BICD1: variants seen among roughly 807,000 people sequenced by gnomAD.
BICD1 encodes the protein protein bicaudal D homolog 1.
BICD1 carries 35 observed loss-of-function variants against 92.5 expected under a neutral mutation model. The ratio of observed to expected loss-of-function variants is 0.38; its 90% CI spans 0.29 to 0.50. BICD1 has a LOEUF of 0.50. BICD1 is among the 20% of genes least tolerant of loss of function. The pLI is 0.93. For missense variants in BICD1, 950 were observed against 1,189.8 expected, an observed-to-expected ratio of 0.80 and a Z score of 2.97; for synonymous variants, 429 against 465.1, an observed-to-expected ratio of 0.92 and a Z score of 1.00.
chr12:32,177,274 C>T (rs990119781), intron 1 of BICD1, among the ~76,000 whole-genome samples: 1 of 150,666 alleles, frequency 6.6e-6, no homozygotes, highest in Non-Finnish European at 1.5e-5. Flanking sequence ...GAGATCACAC[C>T]ATGGCACTCC....
intron 8 of BICD1, among the ~76,000 whole-genome samples, chr12:32,344,747 T>C (rs1186000594): frequency 6.6e-6 from 1 of 152,238 alleles, no homozygotes; most frequent in African/African-American, 2.4e-5. Context: ...TTTTGTACTT[T>C]ATAATTTATA....
chr12:32,273,631 A>AG (rs1947200274), intron 2 of BICD1, among the ~76,000 whole-genome samples: 1 of 152,264 alleles, frequency 6.6e-6, no homozygotes, highest in African/African-American at 2.4e-5. Flanking sequence ...CAGCTAGTAG[A>AG]GGGTGCCTCA....
chr12:32,120,895 G>GA (rs757230402), intron 1 of BICD1, among the ~76,000 whole-genome samples: 81 of 24,784 alleles, frequency 3.3e-3, no homozygotes, highest in African/African-American at 0.023. Context: ...GAGAGAGAGA[G>GA]AAAAAAAAAA....
chr12:32,124,875 G>T (rs1354254744), intron 1 of BICD1, among the ~76,000 whole-genome samples: 2 of 152,108 alleles, frequency 1.3e-5, no homozygotes, highest in Non-Finnish European at 2.9e-5. Context: ...GGAAAGCTGT[G>T]TTATGGGGCT....
At chr12:32,283,272 C>A (rs573555420) in intron 2 of BICD1, among the ~76,000 whole-genome samples, 1 of 152,232 alleles carries the variant, frequency 6.6e-6, no homozygotes, top group East Asian at 1.9e-4. Context: ...AAGTCCATCA[C>A]TCTTATCAGT....
At chr12:32,111,407 G>A (rs1941687033) in intron 1 of BICD1, among the ~76,000 whole-genome samples, 1 of 152,104 alleles carries the variant, frequency 6.6e-6, no homozygotes, top group Non-Finnish European at 1.5e-5. Context: ...TCATCTTTAA[G>A]CAGAATTGTT....
chr12:32,211,103 C>T (rs1469238981), intron 1 of BICD1, among the ~76,000 whole-genome samples: 1 of 152,202 alleles, frequency 6.6e-6, no homozygotes. Context: ...TTCTTAAAAG[C>T]AGCCATTTTC....
At chr12:32,131,269 T>A (rs1053826864) in intron 1 of BICD1, among the ~76,000 whole-genome samples, 59 of 152,204 alleles carry the variant, frequency 3.9e-4, no homozygotes, top group African/African-American at 1.4e-3. Context: ...TGTGATTTTT[T>A]TAAAAAAATT....
rs1944846782 is a variant in BICD1 at position 32,199,649 on chromosome 12, TTCTAA to T, written c.214-16593_214-16589del. On this transcript the variant is annotated intron_variant, in intron 1 of 9. Transcript: ENST00000652176. ...TCTAAAGACATAAGTGATTAACTTC[TTCTAA>T]TCTATAGCTAAGGTCTGAGTCCTGA... Among the ~76,000 whole-genome samples, 9 of 152,352 alleles carry T rather than the reference TTCTAA, an allele frequency of 5.9e-5. No homozygotes were observed. In the South Asian group the frequency reaches 1.9e-3, roughly 32 times the overall value.
At chr12:32,231,021 T>C (rs1945870095) in intron 2 of BICD1, among the ~76,000 whole-genome samples, 1 of 152,234 alleles carries the variant, frequency 6.6e-6, no homozygotes, top group South Asian at 2.1e-4. Context: ...GAAAGTGATA[T>C]TATATTTGTC....
chr12:32,141,699 C>G (rs1008806787), intron 1 of BICD1, among the ~76,000 whole-genome samples: 1 of 152,138 alleles, frequency 6.6e-6, no homozygotes, highest in Non-Finnish European at 1.5e-5. Flanking sequence ...GTCTCAAACC[C>G]CTAACCTTAA....
intron 2 of BICD1, among the ~76,000 whole-genome samples, chr12:32,235,515 G>A (rs991548744): frequency 1.3e-5 from 2 of 151,114 alleles, no homozygotes; most frequent in African/African-American, 4.9e-5. Context: ...GGCATACTGT[G>A]TCTTACTGTG....
intron 2 of BICD1, among the ~76,000 whole-genome samples, chr12:32,228,888 G>A (rs1215684531): frequency 2.0e-5 from 3 of 152,166 alleles, no homozygotes; most frequent in Non-Finnish European, 4.4e-5. Context: ...TCCACCTGTG[G>A]ATGTTGAGTG....
intron 1 of BICD1, among the ~76,000 whole-genome samples, chr12:32,110,442 A>G (rs1355342069): frequency 6.6e-6 from 1 of 152,210 alleles, no homozygotes; most frequent in Non-Finnish European, 1.5e-5. Flanking sequence ...ACATCATCAA[A>G]GTGTTCTCCT....
At chr12:32,213,826 A>G (rs1945282231) in intron 1 of BICD1, among the ~76,000 whole-genome samples, 5 of 152,246 alleles carry the variant, frequency 3.3e-5, no homozygotes, top group Admixed American at 2.6e-4. Context: ...TCTTCCCATT[A>G]GAATTAATAA....
intron 1 of BICD1, among the ~76,000 whole-genome samples, chr12:32,148,118 G>A (rs1943169601): frequency 1.6e-5 from 2 of 122,708 alleles, no homozygotes; most frequent in Non-Finnish European, 1.7e-5. Flanking sequence ...CTCTAGCCTG[G>A]GTGACAGAGC....
At chr12:32,329,136 G>A (rs1242569332) in intron 5 of BICD1, among the ~76,000 whole-genome samples, 7 of 151,926 alleles carry the variant, frequency 4.6e-5, no homozygotes, top group South Asian at 4.2e-4. Flanking sequence ...ACAGAGTCTC[G>A]CTCTGTTGTC....
At chr12:32,198,323 C>CATATATATATATATAT (rs765984931) in intron 1 of BICD1, among the ~76,000 whole-genome samples, 5,929 of 87,094 alleles carry the variant, frequency 0.068, 933 homozygotes, top group Admixed American at 0.086. Context: ...GAATAATATG[C>CATATATATATATATAT]ATCTATCTAT....
intron 4 of BICD1, among the ~76,000 whole-genome samples, chr12:32,324,068 C>T (rs575918413): frequency 9.9e-5 from 15 of 152,206 alleles, no homozygotes; most frequent in South Asian, 4.2e-4. Context: ...CGGTGGCTCA[C>T]GCCTGTAATC....
Sources: allele counts gnomAD v4.1 joint callset (sites outside exome capture counted in the v4.1 genomes callset), GRCh38; gene constraint gnomAD v4.1.1; transcripts MANE v1.5; gene names NCBI Gene and HGNC (gene_info 2026-07-23, HGNC 2026-07-21).